Variants in THSD7B observed in about 807,000 individuals in gnomAD.
THSD7B encodes the protein thrombospondin type 1 domain containing 7B, also known as thrombospondin type-1 domain-containing protein 7B.
THSD7B carries 138 observed loss-of-function variants against 213.6 expected under a neutral mutation model. The ratio of observed to expected loss-of-function variants is 0.65; its 90% confidence interval spans 0.56 to 0.74. THSD7B has a LOEUF of 0.74. Ranked by LOEUF, THSD7B falls within the 30% of genes least tolerant of loss-of-function variation. The pLI is 0.00. For missense variants in THSD7B, 1,931 were observed against 1,991.5 expected, an observed-to-expected ratio of 0.97 and a Z score of 0.58; for synonymous variants, 742 against 687.0, an observed-to-expected ratio of 1.08 and a Z score of -1.25.
At chr2:137,322,068 T>C (rs1261568832) in intron 12 of THSD7B, among the ~76,000 whole-genome samples, 1 of 152,208 alleles carries the variant, frequency 6.6e-6, no homozygotes. Context: ...AGTTTTAAGG[T>C]TGTAGAGCAT....
intron 15 of THSD7B, among the ~76,000 whole-genome samples, chr2:137,473,357 C>T (rs1026475354): frequency 2.0e-5 from 3 of 151,880 alleles, no homozygotes; most frequent in Admixed American, 6.6e-5. Context: ...TACAGGCACC[C>T]GCCACCACAC....
At chr2:136,904,226 G>A (rs1244023208) in intron 2 of THSD7B, among the ~76,000 whole-genome samples, 1 of 152,180 alleles carries the variant, frequency 6.6e-6, no homozygotes, top group Non-Finnish European at 1.5e-5. Context: ...CATGCCTGAG[G>A]TATCCTGGCA....
chr2:136,903,068 A>G (rs1198592649), intron 2 of THSD7B, among the ~76,000 whole-genome samples: 1 of 152,122 alleles, frequency 6.6e-6, no homozygotes, highest in Non-Finnish European at 1.5e-5. Flanking sequence ...GCTCTATCCC[A>G]TCATTTACTT....
At chr2:137,623,965 T>C (rs1245814987) in intron 20 of THSD7B, among the ~76,000 whole-genome samples, 2 of 152,156 alleles carry the variant, frequency 1.3e-5, no homozygotes, top group East Asian at 1.9e-4. Context: ...CTTCACAGAA[T>C]TGGAAAAAAC....
intron 2 of THSD7B, among the ~76,000 whole-genome samples, chr2:136,896,009 T>A (rs541883617): frequency 1.6e-4 from 24 of 152,314 alleles, no homozygotes; most frequent in African/African-American, 5.8e-4. Context: ...ATATTCACAT[T>A]TGTGTTGTTT....
At chr2:137,571,020 G>A (rs960107442) in intron 16 of THSD7B, among the ~76,000 whole-genome samples, 3 of 152,132 alleles carry the variant, frequency 2.0e-5, no homozygotes, top group African/African-American at 7.2e-5. Flanking sequence ...CATCATAGGG[G>A]TACAGCTGGA....
In THSD7B at chr2:137,662,230, TTTTTTTTTTTTC is replaced by T. The variant is rs1489408364; in HGVS notation, c.4459-1141_4459-1130del. Among the ~76,000 whole-genome samples, 110 of 81,260 alleles carry T rather than the reference TTTTTTTTTTTTC, an allele frequency of 1.4e-3. 4 individuals are homozygous for T. The highest frequency in any genetic ancestry group is 4.5e-3 in the African/African-American group (93 of 20,508). The allele number at this position is 81,260 out of a possible 152,430, so 53.3% of individuals were successfully genotyped here. A position where few individuals can be genotyped will look rare whatever the true frequency, so the allele number is the denominator to read the frequency against. On this transcript the variant is annotated intron_variant, in intron 25 of 27. Coordinates refer to ENST00000409968, the MANE Select transcript of THSD7B (RefSeq NM_001316349.2). ...GATGCCCGCCACGACGCCCGGCTAA[TTTTTTTTTTTTC>T]TTTTTTTTTTTTTTTGTATTTTTGG...
At chr2:137,275,796 A>G (rs781122593) in intron 11 of THSD7B, 127 bp from the exon 12 acceptor site, 15 of 663,442 alleles carry the variant, frequency 2.3e-5, no homozygotes, top group Non-Finnish European at 3.3e-5. Context: ...GTTTTATGAC[A>G]TTGATTTCAT....
intron 12 of THSD7B, among the ~76,000 whole-genome samples, chr2:137,369,591 C>T (rs1685500161): frequency 6.6e-6 from 1 of 152,166 alleles, no homozygotes; most frequent in Admixed American, 6.5e-5. Flanking sequence ...GGGAAGTGAA[C>T]TAAGAGCTGC....
intron 1 of THSD7B, among the ~76,000 whole-genome samples, chr2:136,792,162 C>T (rs1006849517): frequency 7.9e-5 from 12 of 151,922 alleles, no homozygotes; most frequent in African/African-American, 2.4e-4. Flanking sequence ...GATTGAAATT[C>T]CTGGATTCAA....
At chr2:137,490,441 T>C (rs1286562839) in intron 15 of THSD7B, among the ~76,000 whole-genome samples, 6 of 152,206 alleles carry the variant, frequency 3.9e-5, no homozygotes, top group Admixed American at 6.5e-5. Context: ...TACTTTTTTC[T>C]TTTTTTAATT....
chr2:137,290,229 C>T (rs745480664), intron 12 of THSD7B, among the ~76,000 whole-genome samples: 4 of 151,220 alleles, frequency 2.6e-5, no homozygotes, highest in African/African-American at 9.7e-5. Context: ...GCTGGGACTA[C>T]AAGGCGTGTG....
At chr2:137,372,803 C>T (rs897295415) in intron 12 of THSD7B, among the ~76,000 whole-genome samples, 11 of 151,174 alleles carry the variant, frequency 7.3e-5, no homozygotes, top group African/African-American at 2.2e-4. Context: ...CCCATTAACT[C>T]GTCATTTAGC....
chr2:137,418,030 G>T (rs916274814), intron 14 of THSD7B, among the ~76,000 whole-genome samples: 1 of 152,176 alleles, frequency 6.6e-6, no homozygotes, highest in African/African-American at 2.4e-5. Flanking sequence ...AAGGAGATTT[G>T]CATTGACAAG....
chr2:137,113,672 G>A (rs1688394139), intron 4 of THSD7B, among the ~76,000 whole-genome samples: 1 of 151,960 alleles, frequency 6.6e-6, no homozygotes, highest in African/African-American at 2.4e-5. Context: ...CCTGACCTCA[G>A]GTGATCCGCC....
intron 1 of THSD7B, among the ~76,000 whole-genome samples, chr2:136,881,085 G>C (rs1446471108): frequency 2.0e-5 from 3 of 152,012 alleles, no homozygotes; most frequent in Non-Finnish European, 4.4e-5. Flanking sequence ...TGTTTTCTCT[G>C]CCTGAGATGC....
chr2:136,947,679 A>T (rs1372338786), intron 2 of THSD7B, among the ~76,000 whole-genome samples: 2 of 152,244 alleles, frequency 1.3e-5, no homozygotes, highest in African/African-American at 4.8e-5. Context: ...ACATGGGAGG[A>T]TAAATCCTAC....
intron 7 of THSD7B, 56 bp downstream of exon 7, chr2:137,170,994 A>G: frequency 6.5e-7 from 1 of 1,547,450 alleles, no homozygotes; most frequent in Non-Finnish European, 8.9e-7. Context: ...GCCAAATAAC[A>G]CATGACCACC....
intron 17 of THSD7B, among the ~76,000 whole-genome samples, chr2:137,577,221 C>T (rs1011452842): frequency 6.6e-6 from 1 of 151,994 alleles, no homozygotes; most frequent in African/African-American, 2.4e-5. Flanking sequence ...CGTATTTTAC[C>T]CCTGTGTGCA....
Sources: allele counts gnomAD v4.1 joint callset (sites outside exome capture counted in the v4.1 genomes callset), GRCh38; gene constraint gnomAD v4.1.1; transcripts MANE v1.5; gene names NCBI Gene and HGNC (gene_info 2026-07-23, HGNC 2026-07-21).